AP2A1: variants seen among roughly 807,000 people sequenced by gnomAD.
The protein encoded by AP2A1 is AP-2 complex subunit alpha-1.
AP2A1 carries 21 observed loss-of-function variants against 107.3 expected under a neutral mutation model. The ratio of observed to expected loss-of-function variants is 0.20; its 90% confidence interval spans 0.14 to 0.28. The LOEUF (loss-of-function observed/expected upper bound fraction) is 0.28, where lower values mean the gene tolerates loss of function less well. AP2A1 is among the 10% of genes least tolerant of loss of function. The pLI, the probability that AP2A1 is intolerant of heterozygous loss-of-function variation, is 1.00. For synonymous variants in AP2A1, 602 were observed against 564.8 expected, an observed-to-expected ratio of 1.07 and a Z score of -0.93; for missense variants, 873 against 1,307.7, an observed-to-expected ratio of 0.67 and a Z score of 5.13.
chr19:49,794,025 C>T (rs550199829), intron 6 of AP2A1, among the ~76,000 whole-genome samples: 83 of 151,252 alleles, frequency 5.5e-4, no homozygotes, highest in African/African-American at 1.6e-3. Flanking sequence ...CTTAGCCTCC[C>T]GAGTAGCTGG....
At chr19:49,791,152 C>T (rs2073137793) in intron 4 of AP2A1, among the ~76,000 whole-genome samples, 1 of 152,246 alleles carries the variant, frequency 6.6e-6, no homozygotes, top group African/African-American at 2.4e-5. Flanking sequence ...CAGGCTGTTC[C>T]CTCTGCCTGG....
At chr19:49,777,503 C>T (rs1447172392) in intron 1 of AP2A1, among the ~76,000 whole-genome samples, 1 of 149,620 alleles carries the variant, frequency 6.7e-6, no homozygotes, top group Admixed American at 6.7e-5. Flanking sequence ...GGCATGGTGG[C>T]GGGCGCCTGT....
chr19:49,787,262 A>T (rs924047097), intron 4 of AP2A1, among the ~76,000 whole-genome samples: 2 of 150,222 alleles, frequency 1.3e-5, no homozygotes, highest in African/African-American at 2.5e-5. Flanking sequence ...AGCTCAAGCA[A>T]TCCTCCTGCC....
At chr19:49,802,736 T>C in intron 15 of AP2A1, 1 of 1,088,104 alleles carries the variant, frequency 9.2e-7, no homozygotes, top group Non-Finnish European at 1.3e-6. Context: ...AAAGGGAAAC[T>C]TGGTGTCTGC....
intron 7 of AP2A1, among the ~76,000 whole-genome samples, chr19:49,798,140 C>T (rs903535719): frequency 2.6e-5 from 4 of 152,166 alleles, no homozygotes; most frequent in African/African-American, 7.2e-5. Context: ...TTTGCTGGAA[C>T]GCTTGACAGC....
chr19:49,803,325 C>T lies in AP2A1; in HGVS notation c.2293C>T (p.Gln765Ter). The stretch of plus-strand genomic sequence containing the variant: ...CTTCTATGGCAACAAGACCTCGGTG[C>T]AGTTCCAGAATTTCTCACCCACTGT... ...YLFYGNKTSV[Q>*]FQNFSPTVVH... is the part of the protein sequence containing the mutation. The change falls in exon 18 of 23, where the codon CAG becomes TAG. Residue 765 changes from glutamine (Q) to a stop codon, truncating the protein, a stop_gained. Coordinates refer to ENST00000354293, the MANE Select transcript of AP2A1 (RefSeq NM_130787.3). LOFTEE classifies it high-confidence loss of function. 6.2e-7 allele frequency: 1 copy of T among 1,613,930 alleles called. No homozygotes were observed. Among genetic ancestry groups the T allele is most frequent in the Non-Finnish European group, 8.5e-7 (1 of 1,179,884 alleles).
chr19:49,781,230 G>C (rs895958234), intron 1 of AP2A1, among the ~76,000 whole-genome samples: 1 of 152,012 alleles, frequency 6.6e-6, no homozygotes, highest in Non-Finnish European at 1.5e-5. Flanking sequence ...CAGGCCACGC[G>C]GGAGAGGACA....
In AP2A1 at chr19:49,788,768, C is replaced by T. The variant is rs574516552; in HGVS notation, c.474-3167C>T. 1.3e-5 allele frequency among the ~76,000 whole-genome samples: 2 copies of T among 152,150 alleles called. No individual in the cohort carries two copies. The highest frequency in any genetic ancestry group is 2.4e-5 in the African/African-American group (1 of 41,446). ...AGGGCTCGGGAGATGTGCGCTGTGA[C>T]GGAGGTGGGAAAGTGCCGTCACAAA... is the stretch of plus-strand genomic sequence containing the variant. On this transcript the variant is annotated intron_variant, in intron 4 of 22. Coordinates refer to ENST00000354293, the MANE Select transcript of AP2A1 (RefSeq NM_130787.3). This position sits in a 1 kb window ranked among gnomAD's most constrained non-coding sequence, Gnocchi z 4.5.
In AP2A1 at chr19:49,782,098, G is replaced by A; in HGVS notation, c.279+9G>A. 6.4e-7 allele frequency: 1 copy of A among 1,550,666 alleles called. No homozygotes were observed. Among genetic ancestry groups the A allele is most frequent in the Non-Finnish European group, 8.7e-7 (1 of 1,146,774 alleles). On this transcript the variant is annotated intron_variant, in intron 3 of 22. Transcript: ENST00000354293. The stretch of plus-strand genomic sequence containing the variant: ...ACACAGAGAAGCAAATAGTGAGTCT[G>A]GAGAGGGGGGTGCCAGGGCCTGGAC...
intron 1 of AP2A1, among the ~76,000 whole-genome samples, chr19:49,775,999 G>GCC (rs2123674302): frequency 6.6e-6 from 1 of 152,222 alleles, no homozygotes; most frequent in Admixed American, 6.5e-5. Flanking sequence ...CAGCTCCCTG[G>GCC]CCCCGTCAGC....
intron 1 of AP2A1, among the ~76,000 whole-genome samples, chr19:49,778,699 C>T (rs867545616): frequency 2.0e-5 from 3 of 152,080 alleles, no homozygotes; most frequent in African/African-American, 4.8e-5. Flanking sequence ...GCATTAGAAT[C>T]GTATGGAACC....
At chr19:49,772,649 A>C (rs1233610030) in intron 1 of AP2A1, among the ~76,000 whole-genome samples, 24 of 151,250 alleles carry the variant, frequency 1.6e-4, no homozygotes, top group South Asian at 8.3e-4. Flanking sequence ...GCGCCCGCCA[A>C]CACGCCCGGC....
intron 6 of AP2A1, among the ~76,000 whole-genome samples, chr19:49,794,147 G>A (rs1280468164): frequency 4.0e-5 from 6 of 151,302 alleles, no homozygotes; most frequent in East Asian, 3.9e-4. Flanking sequence ...TGATCCACCC[G>A]CCTCGGCCTC....
At chr19:49,799,278 C>T in intron 8 of AP2A1, 49 bp from the exon 9 acceptor site, 1 of 1,588,836 alleles carries the variant, frequency 6.3e-7, no homozygotes, top group Non-Finnish European at 8.5e-7. Flanking sequence ...CCTCCACCTT[C>T]TCCTGTCAGT....
chr19:49,803,669 G>T, intron 18 of AP2A1: 1 of 447,450 alleles, frequency 2.2e-6, no homozygotes, highest in Admixed American at 3.5e-5. Context: ...CCTCCACTGG[G>T]CTCCATGTCA....
intron 1 of AP2A1, among the ~76,000 whole-genome samples, chr19:49,773,954 G>A (rs1214815559): frequency 1.3e-5 from 2 of 152,198 alleles, no homozygotes; most frequent in African/African-American, 2.4e-5. Flanking sequence ...AGGGAACAGG[G>A]TAGATGGTGC....
intron 1 of AP2A1, among the ~76,000 whole-genome samples, chr19:49,778,122 T>A (rs749530899): frequency 6.6e-6 from 1 of 152,318 alleles, no homozygotes; most frequent in Middle Eastern, 3.4e-3. Flanking sequence ...CAAGTACAAT[T>A]GAGTGAATAC....
intron 1 of AP2A1, among the ~76,000 whole-genome samples, chr19:49,777,714 C>A (rs1052322801): frequency 1.3e-5 from 2 of 151,162 alleles, no homozygotes; most frequent in East Asian, 3.9e-4. Flanking sequence ...CTGAGGTGGG[C>A]GGAGGAGTTG....
intron 1 of AP2A1, among the ~76,000 whole-genome samples, chr19:49,772,930 G>T (rs964025741): frequency 4.0e-5 from 6 of 151,898 alleles, no homozygotes; most frequent in African/African-American, 1.5e-4. Flanking sequence ...GTCCGTGTTT[G>T]TCCTGAGAGC....
Sources: gnomAD v4.1 joint callset for allele counts (sites outside exome capture counted in the v4.1 genomes callset) on GRCh38, gnomAD v4.1.1 for gene constraint, Gnocchi (gnomAD v3.1) non-coding constraint, MANE v1.5 for transcripts, NCBI Gene and HGNC (gene_info 2026-07-23, HGNC 2026-07-21) for gene names.